KCNMA1: variants seen among roughly 807,000 people sequenced by gnomAD.
KCNMA1 encodes the protein Calcium-activated potassium channel subunit alpha-1.
KCNMA1 carries 29 observed loss-of-function variants against 140.0 expected under a neutral mutation model. The ratio of observed to expected loss-of-function variants is 0.21; its 90% CI spans 0.15 to 0.28. The LOEUF (loss-of-function observed/expected upper bound fraction) is 0.28. KCNMA1 is among the 10% of genes least tolerant of loss of function. KCNMA1 has a pLI of 1.00. For missense variants in KCNMA1, 880 were observed against 1,602.2 expected, an observed-to-expected ratio of 0.55 and a Z score of 7.70; for synonymous variants, 612 against 611.9, an observed-to-expected ratio of 1.00 and a Z score of 0.00.
At chr10:77,114,874 G>T (rs867171885) in intron 6 of KCNMA1, among the ~76,000 whole-genome samples, 6 of 152,162 alleles carry the variant, frequency 3.9e-5, no homozygotes, top group Non-Finnish European at 7.4e-5. Flanking sequence ...AGCCTACAGG[G>T]TTGCCCAACC....
chr10:77,430,106 T>C (rs2097121481), intron 1 of KCNMA1, among the ~76,000 whole-genome samples: 1 of 152,216 alleles, frequency 6.6e-6, no homozygotes, highest in African/African-American at 2.4e-5. Context: ...GAGTGAACTT[T>C]GTCATGCAAA....
chr10:77,196,326 A>G (rs1469635742), intron 3 of KCNMA1, among the ~76,000 whole-genome samples: 2 of 152,122 alleles, frequency 1.3e-5, no homozygotes, highest in African/African-American at 4.8e-5. Context: ...GGGTCTCTGT[A>G]CTGAAGAATC....
chr10:77,006,759 C>A (rs1044111989), intron 18 of KCNMA1, among the ~76,000 whole-genome samples: 4 of 152,188 alleles, frequency 2.6e-5, no homozygotes, highest in African/African-American at 9.7e-5. Flanking sequence ...ACCACATTTT[C>A]TCTCCAATTC....
intron 21 of KCNMA1, chr10:76,952,232 C>T (rs2066539379): frequency 6.7e-7 from 1 of 1,495,194 alleles, no homozygotes; most frequent in Non-Finnish European, 9.0e-7. Flanking sequence ...TCAGAATGTA[C>T]ATATATGGCT....
intron 5 of KCNMA1, among the ~76,000 whole-genome samples, chr10:77,164,042 G>T (rs2098604212): frequency 6.6e-6 from 1 of 152,186 alleles, no homozygotes; most frequent in African/African-American, 2.4e-5. Flanking sequence ...GAATAAGAAG[G>T]ATATGATGTA....
At chr10:77,229,817 A>G (rs1336629575) in intron 3 of KCNMA1, among the ~76,000 whole-genome samples, 6 of 152,236 alleles carry the variant, frequency 3.9e-5, no homozygotes, top group Non-Finnish European at 5.9e-5. Context: ...GAGGATGTGG[A>G]CAAATTGCAA....
At chr10:77,484,960 C>T (rs1343796499) in intron 1 of KCNMA1, among the ~76,000 whole-genome samples, 1 of 152,202 alleles carries the variant, frequency 6.6e-6, no homozygotes, top group Non-Finnish European at 1.5e-5. Context: ...AAAATCGCTC[C>T]AAGAAATCAC....
At chr10:77,408,402 ATG>A (rs1277951483) in intron 1 of KCNMA1, among the ~76,000 whole-genome samples, 11 of 151,614 alleles carry the variant, frequency 7.3e-5, no homozygotes, top group Non-Finnish European at 1.6e-4. Context: ...GTGTGTGTGC[ATG>A]TGTGAGAGTG....
intron 2 of KCNMA1, among the ~76,000 whole-genome samples, chr10:77,353,979 G>T (rs1349150111): frequency 2.2e-5 from 3 of 136,364 alleles, no homozygotes; most frequent in Admixed American, 7.3e-5. Context: ...TTGGGGGGGG[G>T]GGTGGTGGGG....
At chr10:77,526,243 A>G (rs1320250471) in intron 1 of KCNMA1, among the ~76,000 whole-genome samples, 2 of 151,926 alleles carry the variant, frequency 1.3e-5, no homozygotes, top group Non-Finnish European at 2.9e-5. Flanking sequence ...TCCTCCCCCA[A>G]CTCTGTTCTC....
chr10:77,075,571 C>T (rs2096368017), intron 13 of KCNMA1, among the ~76,000 whole-genome samples: 1 of 152,210 alleles, frequency 6.6e-6, no homozygotes, highest in Admixed American at 6.5e-5. Flanking sequence ...CTTGGGTCCC[C>T]CATGGCCCTG....
intron 14 of KCNMA1, among the ~76,000 whole-genome samples, chr10:77,054,997 A>C (rs1056535519): frequency 6.6e-6 from 1 of 152,166 alleles, no homozygotes; most frequent in African/African-American, 2.4e-5. Context: ...ACAGAGAATG[A>C]TTATTGAATA....
At chr10:76,872,996 G>A (rs1378514123), downstream of KCNMA1, 1 of 151,980 alleles carries the variant, frequency 6.6e-6, no homozygotes, top group Non-Finnish European at 1.5e-5. Context: ...AAAAGAGGAA[G>A]GTCTGCTACA....
intron 1 of KCNMA1, among the ~76,000 whole-genome samples, chr10:77,444,179 G>A (rs1016489166): frequency 1.9e-4 from 29 of 152,264 alleles, no homozygotes; most frequent in East Asian, 7.7e-4. Flanking sequence ...GCAAAGGACC[G>A]TTTTGAGACT....
chr10:77,368,797 C>G (rs188702397), intron 2 of KCNMA1, among the ~76,000 whole-genome samples: 1 of 152,176 alleles, frequency 6.6e-6, no homozygotes, highest in Non-Finnish European at 1.5e-5. Context: ...AGAAAAGACT[C>G]CTTCTCCATT....
chr10:77,546,161 T>C (rs1241842043), intron 1 of KCNMA1, among the ~76,000 whole-genome samples: 1 of 152,202 alleles, frequency 6.6e-6, no homozygotes, highest in Non-Finnish European at 1.5e-5. Flanking sequence ...CCTTCTCATT[T>C]GGAGGAAAGT....
intron 1 of KCNMA1, among the ~76,000 whole-genome samples, chr10:77,522,183 A>AAATG (rs1245900211): frequency 6.6e-6 from 1 of 150,572 alleles, no homozygotes; most frequent in Non-Finnish European, 1.5e-5. Flanking sequence ...ATCTCAAAAT[A>AAATG]AATAAATAAA....
chr10:77,503,602 G>C (rs2044699329), intron 1 of KCNMA1, among the ~76,000 whole-genome samples: 1 of 152,210 alleles, frequency 6.6e-6, no homozygotes, highest in South Asian at 2.1e-4. Flanking sequence ...CAGTGATCCT[G>C]AGCAATCCTC....
intron 1 of KCNMA1, among the ~76,000 whole-genome samples, chr10:77,599,215 G>A (rs912696977): frequency 3.9e-5 from 6 of 152,178 alleles, no homozygotes; most frequent in African/African-American, 1.2e-4. Context: ...GCAAAACCCC[G>A]CCCCACACGG....
Sources: gnomAD v4.1 joint callset for allele counts (sites outside exome capture counted in the v4.1 genomes callset) on GRCh38, gnomAD v4.1.1 for gene constraint, MANE v1.5 for transcripts, NCBI Gene and HGNC (gene_info 2026-07-23, HGNC 2026-07-21) for gene names.